The following NAP1L2 variants were observed in gnomAD, a reference collection of about 807,000 sequenced individuals.
NAP1L2 encodes the protein nucleosome assembly protein 1-like 2.
For missense variants in NAP1L2, 376 were observed against 338.5 expected, an observed-to-expected ratio of 1.11 and a Z score of -0.87; for synonymous variants, 165 against 126.0, an observed-to-expected ratio of 1.31 and a Z score of -2.07.
In NAP1L2 at chrX:73,213,816, G is replaced by A. The variant is rs774974158; in HGVS notation, c.677C>T (p.Ala226Val). Residue 226 changes from alanine (A) to valine (V), a missense_variant, in exon 1 of 1, where the codon GCT becomes GTT. Coordinates refer to ENST00000373517, the MANE Select transcript of NAP1L2 (RefSeq NM_021963.4). Reference protein sequence around the residue: ...EEEEEEDDIEATGEENKEEED... With the variant: ...EEEEEEDDIEVTGEENKEEED... The stretch of plus-strand genomic sequence containing the variant: ...CTCTTCTTTATTCTCTTCTCCAGTA[G>A]CCTCAATGTCGTCCTCCTCCTCCTC... 2 of 1,210,234 alleles carry A rather than the reference G, an allele frequency of 1.7e-6. No homozygotes were observed. Among genetic ancestry groups the A allele is most frequent in the Non-Finnish European group, 2.2e-6 (2 of 895,090 alleles).
In NAP1L2 at chrX:73,213,075, A is replaced by G; in HGVS notation, c.*35T>C. ...TCTTATACCTTGAGTAACTATATCTAGGGCAGTTAATTTCAGGGCCATGTA... is the reference window on the plus strand; with the variant it reads ...TCTTATACCTTGAGTAACTATATCTGGGGCAGTTAATTTCAGGGCCATGTA... On this transcript the variant is annotated 3_prime_UTR_variant, in exon 1 of 1. Transcript: ENST00000373517. The G allele has an allele frequency of 8.9e-7, 1 of 1,127,534 alleles. No individual in the cohort carries two copies. Among genetic ancestry groups the G allele is most frequent in the Non-Finnish European group, 1.2e-6 (1 of 842,875 alleles). 92.9% of individuals were successfully genotyped at this position (1,127,534 alleles called of 1,213,427 possible). A position where few individuals can be genotyped will look rare whatever the true frequency, so the allele number is the denominator to read the frequency against.
chrX:73,213,716 C>A lies in NAP1L2; in HGVS notation c.777G>T (p.Lys259Asn), dbSNP rs759440483. ...GCTTCAGAATAGGCTCATCATATTT[C>A]TTAATCAAAGGAGTGAGTGTATCAA... is the stretch of plus-strand genomic sequence containing the variant. ...KNVDTLTPLIKKYDEPILKLL... is the reference protein window; with the variant it reads ...KNVDTLTPLINKYDEPILKLL... The change falls in exon 1 of 1, where the codon AAG (lysine) becomes AAT (asparagine). Residue 259 changes from lysine to asparagine, a missense_variant. Physicochemically the swap from Lys to Asn is moderately conservative, Grantham distance 94 (BLOSUM62 0). Transcript: ENST00000373517. The A allele has an allele frequency of 1.7e-6, 2 of 1,211,546 alleles. No homozygotes were observed.
At position 73,213,256 on chromosome X, in the gene NAP1L2, G is replaced by T; in HGVS notation, c.1237C>A (p.Leu413Met). The change falls in exon 1 of 1, where the codon CTG (leucine) becomes ATG (methionine). Residue 413 changes from leucine (L) to methionine (M), a missense_variant. By Grantham distance (15) the Leu-to-Met change is conservative. Transcript: ENST00000373517. ...ACTACCCCCTCCTGCTGAGATTCCA[G>T]TGCATCACCTGAGAAAAATAATACT... ...RSVLFFSGDA[L>M]ESQQEGVVRE... The T allele has an allele frequency of 8.3e-7, 1 of 1,211,436 alleles. No individual in the cohort carries two copies. The highest frequency in any genetic ancestry group is 1.1e-6 in the Non-Finnish European group (1 of 895,171).
At position 73,212,955 on chromosome X, in the gene NAP1L2, A is replaced by G. The variant is rs908808372; in HGVS notation, c.*155T>C. ...TTCTTGAAAACATTCTACTACTAAA[A>G]CTCAAGGTCAAATTAATTAGTTTTT... is the stretch of plus-strand genomic sequence containing the variant. On this transcript the variant is annotated 3_prime_UTR_variant, in exon 1 of 1. Coordinates refer to ENST00000373517, the MANE Select transcript of NAP1L2 (RefSeq NM_021963.4). 2 of 508,228 alleles carry G rather than the reference A, an allele frequency of 3.9e-6. No individual in the cohort carries two copies. The highest frequency in any genetic ancestry group is 4.8e-5 in the African/African-American group (2 of 41,624). The allele number at this position is 508,228 out of a possible 1,213,427, so 41.9% of individuals were successfully genotyped here.
Sources: allele counts gnomAD v4.1 joint callset, GRCh38; gene constraint gnomAD v4.1.1; transcripts MANE v1.5; gene names NCBI Gene and HGNC (gene_info 2026-07-23, HGNC 2026-07-21).